Variants in OSBPL2 observed in about 807,000 individuals in gnomAD.
The protein encoded by OSBPL2 is oxysterol binding protein like 2.
OSBPL2 carries 18 observed loss-of-function variants against 58.4 expected under a neutral mutation model. The observed-to-expected ratio is 0.31, with a 90% CI of 0.21 to 0.46. OSBPL2 has a LOEUF of 0.46. Ranked by LOEUF, OSBPL2 falls within the 20% of genes least tolerant of loss-of-function variation. OSBPL2 has a pLI of 1.00. For missense variants in OSBPL2, 461 were observed against 616.5 expected (o/e 0.75, Z 2.67); for synonymous variants, 221 against 234.1 (o/e 0.94, Z 0.51).
chr20:62,250,441 C>G (rs557456690), intron 1 of OSBPL2, among the ~76,000 whole-genome samples: 4 of 152,270 alleles, frequency 2.6e-5, no homozygotes, highest in Non-Finnish European at 5.9e-5. Flanking sequence ...AAGCCCTCCC[C>G]AGGTGGGTCT....
At chr20:62,246,655 T>C (rs1375696857) in intron 1 of OSBPL2, among the ~76,000 whole-genome samples, 1 of 152,154 alleles carries the variant, frequency 6.6e-6, no homozygotes, top group Non-Finnish European at 1.5e-5. Flanking sequence ...GACTGGTCAC[T>C]CCTGCCCCAG....
intron 5 of OSBPL2, 124 bp from the exon 6 acceptor site, chr20:62,273,185 T>G: frequency 2.6e-6 from 2 of 771,564 alleles, no homozygotes; most frequent in Non-Finnish European, 4.4e-6. Context: ...CGGGGAAAAC[T>G]GAAAACGCAC....
At chr20:62,257,793 C>T (rs1462531863) in intron 2 of OSBPL2, among the ~76,000 whole-genome samples, 1 of 151,494 alleles carries the variant, frequency 6.6e-6, no homozygotes, top group Non-Finnish European at 1.5e-5. Context: ...CAGCTCACTG[C>T]AACCTCCTCC....
rs543946648 is a variant in OSBPL2 at position 62,259,686 on chromosome 20, C to A, written c.38-295C>A. Among the ~76,000 whole-genome samples the A allele has an allele frequency of 3.3e-5, 5 of 152,250 alleles. No individual in the cohort carries two copies. In the South Asian group the frequency reaches 8.3e-4, roughly 25 times the overall value. ...CACAGATTAAAATGATGAAAGGGTT[C>A]CTTCTGGAAGATGAAGCTCATGGCC... is the stretch of plus-strand genomic sequence containing the variant. On this transcript the variant is annotated intron_variant, in intron 2 of 13. Transcript: ENST00000313733.
intron 13 of OSBPL2, 144 bp downstream of exon 13, chr20:62,291,937 C>A (rs1462429990): frequency 1.9e-5 from 11 of 585,836 alleles, no homozygotes; most frequent in Non-Finnish European, 3.0e-5. Flanking sequence ...CCTTCTCTCA[C>A]CCCCACACCC....
rs142429055 is a variant in OSBPL2 at position 62,245,017 on chromosome 20, C to T, written c.-129+6420C>T. Among the ~76,000 whole-genome samples the T allele has an allele frequency of 7.9e-5, 12 of 152,220 alleles. No homozygotes were observed. The East Asian group carries it at 1.3e-3, about 17-fold the overall frequency. ...CTGGCAAGTTTGCCTGGCTGGCACG[C>T]GTAGCACAGGGCCTTCCCGAGTCAG... On this transcript the variant is annotated intron_variant, in intron 1 of 13. Coordinates refer to ENST00000313733, the MANE Select transcript of OSBPL2 (RefSeq NM_144498.4).
chr20:62,280,812 T>G (rs1462246350), intron 7 of OSBPL2, among the ~76,000 whole-genome samples: 1 of 152,254 alleles, frequency 6.6e-6, no homozygotes, highest in Non-Finnish European at 1.5e-5. Context: ...CAGTCTTCTT[T>G]GATTGCTTAT....
At chr20:62,267,033 C>T (rs1981715509) in intron 4 of OSBPL2, among the ~76,000 whole-genome samples, 1 of 152,148 alleles carries the variant, frequency 6.6e-6, no homozygotes, top group Non-Finnish European at 1.5e-5. Flanking sequence ...GAGGATCGCT[C>T]GAGGCTACGG....
intron 1 of OSBPL2, among the ~76,000 whole-genome samples, chr20:62,245,838 T>A (rs1035288779): frequency 7.2e-5 from 11 of 152,232 alleles, no homozygotes; most frequent in African/African-American, 2.7e-4. Context: ...GGTTCTAAAT[T>A]TATACAAAAT....
chr20:62,248,155 CTTTTTT>C (rs11470491), intron 1 of OSBPL2, among the ~76,000 whole-genome samples: 24 of 118,854 alleles, frequency 2.0e-4, no homozygotes, highest in Non-Finnish European at 3.1e-4. Flanking sequence ...CTTTTCTTTT[CTTTTTT>C]TTTTTTTTTT....
At chr20:62,287,799 G>A (rs1162087845) in intron 11 of OSBPL2, among the ~76,000 whole-genome samples, 1 of 152,196 alleles carries the variant, frequency 6.6e-6, no homozygotes, top group East Asian at 1.9e-4. Flanking sequence ...TAGGAAAATT[G>A]CGTATGTTTT....
intron 4 of OSBPL2, among the ~76,000 whole-genome samples, chr20:62,270,011 G>A (rs190383105): frequency 3.3e-5 from 5 of 152,348 alleles, no homozygotes; most frequent in East Asian, 3.9e-4. Context: ...CCCTGCACTC[G>A]TCCTTGACCC....
In OSBPL2 at chr20:62,288,483, G is replaced by A. The variant is rs1156306660; in HGVS notation, c.1126-724G>A. Among the ~76,000 whole-genome samples, 1 of 150,214 alleles carries A rather than the reference G, an allele frequency of 6.7e-6. No homozygotes were observed. Among genetic ancestry groups the A allele is most frequent in the African/African-American group, 2.5e-5 (1 of 40,644 alleles). Reference sequence around the variant, plus strand: ...GGTACAGAGGCCGGAGGCTGTGGGTGCAGAGGCTGGGAGGCTGTGGGTGCA... The same window carrying A: ...GGTACAGAGGCCGGAGGCTGTGGGTACAGAGGCTGGGAGGCTGTGGGTGCA... On this transcript the variant is annotated intron_variant, in intron 11 of 13. Transcript: ENST00000313733. This position sits in a 1 kb window ranked among gnomAD's most constrained non-coding sequence, Gnocchi z 4.8.
chr20:62,266,555 G>T (rs528070398), intron 4 of OSBPL2, among the ~76,000 whole-genome samples: 1 of 150,672 alleles, frequency 6.6e-6, no homozygotes, highest in African/African-American at 2.4e-5. Flanking sequence ...GCTGTGGCTC[G>T]TTCTGGATCC....
intron 2 of OSBPL2, among the ~76,000 whole-genome samples, chr20:62,256,619 A>G (rs1314469616): frequency 6.6e-6 from 1 of 152,228 alleles, no homozygotes; most frequent in Non-Finnish European, 1.5e-5. Flanking sequence ...CGCAGAGTGC[A>G]GTTATTTTTT....
intron 2 of OSBPL2, among the ~76,000 whole-genome samples, chr20:62,258,107 G>A (rs1981052728): frequency 6.6e-6 from 1 of 152,170 alleles, no homozygotes; most frequent in African/African-American, 2.4e-5. Flanking sequence ...TGTTCTAGGA[G>A]CCACAGGGTG....
rs774298765 is a variant in OSBPL2 at position 62,293,780 on chromosome 20, G to A, written c.1341-5G>A. 44 of 1,612,888 alleles carry A rather than the reference G, an allele frequency of 2.7e-5. No homozygotes were observed. The highest frequency in any genetic ancestry group is 4.0e-5 in the African/African-American group (3 of 74,844). ...CTTCTGACCCCCCTCCCTTGTATCCGGCAGGTGGTTCTACCCAGGCAATAA... is the reference window on the plus strand; with the variant it reads ...CTTCTGACCCCCCTCCCTTGTATCCAGCAGGTGGTTCTACCCAGGCAATAA... On this transcript the variant is annotated splice_region_variant and splice_polypyrimidine_tract_variant and intron_variant, in intron 13 of 13. Transcript: ENST00000313733.
At chr20:62,261,443 G>C (rs1350965025) in intron 3 of OSBPL2, among the ~76,000 whole-genome samples, 2 of 152,082 alleles carry the variant, frequency 1.3e-5, no homozygotes, top group South Asian at 2.1e-4. Flanking sequence ...CTCAGCTCCA[G>C]GGAGCTGCTC....
intron 1 of OSBPL2, among the ~76,000 whole-genome samples, chr20:62,247,699 C>T (rs561217866): frequency 1.2e-4 from 18 of 150,240 alleles, no homozygotes; most frequent in Middle Eastern, 3.4e-3. Context: ...TGGAGTCTCG[C>T]TCTGTCGCCC....
Sources: gnomAD v4.1 joint callset for allele counts (sites outside exome capture counted in the v4.1 genomes callset) on GRCh38, gnomAD v4.1.1 for gene constraint, Gnocchi (gnomAD v3.1) non-coding constraint, MANE v1.5 for transcripts, NCBI Gene and HGNC (gene_info 2026-07-23, HGNC 2026-07-21) for gene names.